Variants in XKR4 observed in about 807,000 individuals in gnomAD.
The protein encoded by XKR4 is XK related 4.
Under a neutral mutation model 53.9 loss-of-function variants are expected in XKR4, and 12 were observed. The ratio of observed to expected loss-of-function variants is 0.22; its 90% CI spans 0.14 to 0.36. The LOEUF (loss-of-function observed/expected upper bound fraction) is 0.36. Ranked by LOEUF, XKR4 falls within the 10% of genes least tolerant of loss-of-function variation. The probability of loss-of-function intolerance (pLI) is 1.00; values close to 1 mark genes in which losing one functional copy is unlikely to be tolerated. For synonymous variants in XKR4, 354 were observed against 362.4 expected (o/e 0.98, Z 0.26); for missense variants, 799 against 859.5 (o/e 0.93, Z 0.88).
At chr8:55,453,723 G>A in intron 2 of XKR4, 2 of 386,644 alleles carry the variant, frequency 5.2e-6, no homozygotes, top group Non-Finnish European at 1.0e-5. Flanking sequence ...TGCATGTTGT[G>A]CATCGCCAAG....
chr8:55,268,686 A>C (rs1435228358), intron 1 of XKR4, among the ~76,000 whole-genome samples: 2 of 152,152 alleles, frequency 1.3e-5, no homozygotes, highest in African/African-American at 4.8e-5. Context: ...TGGGCACTTA[A>C]AATGAACCTA....
chr8:55,364,526 T>C (rs1157622793), intron 2 of XKR4, among the ~76,000 whole-genome samples: 1 of 152,256 alleles, frequency 6.6e-6, no homozygotes, highest in Non-Finnish European at 1.5e-5. Flanking sequence ...AGTTGAGCTA[T>C]GCATTCTGCC....
intron 1 of XKR4, among the ~76,000 whole-genome samples, chr8:55,327,220 C>T (rs1362659938): frequency 6.6e-6 from 1 of 152,008 alleles, no homozygotes; most frequent in South Asian, 2.1e-4. Flanking sequence ...TTAACATTAC[C>T]TCACAATTTG....
At chr8:55,421,967 C>G (rs186755816) in intron 2 of XKR4, among the ~76,000 whole-genome samples, 16 of 152,284 alleles carry the variant, frequency 1.1e-4, no homozygotes, top group Non-Finnish European at 2.2e-4. Flanking sequence ...CACCTTTCTG[C>G]ACTTACACCA....
At chr8:55,190,807 C>T (rs994952778) in intron 1 of XKR4, among the ~76,000 whole-genome samples, 3 of 152,126 alleles carry the variant, frequency 2.0e-5, no homozygotes, top group Non-Finnish European at 4.4e-5. Flanking sequence ...TATGGAAACT[C>T]GTACATGACG....
At chr8:55,442,832 G>A (rs952290210) in intron 2 of XKR4, among the ~76,000 whole-genome samples, 2 of 152,168 alleles carry the variant, frequency 1.3e-5, no homozygotes, top group Non-Finnish European at 2.9e-5. Context: ...AAGAGGCGTG[G>A]GGAGTGACTG....
At chr8:55,466,980 TCA>T (rs1352390404) in intron 2 of XKR4, among the ~76,000 whole-genome samples, 1 of 152,208 alleles carries the variant, frequency 6.6e-6, no homozygotes, top group East Asian at 1.9e-4. Context: ...GTTTGTGACC[TCA>T]CAGTTTCTGT....
At chr8:55,305,152 T>C (rs1377463610) in intron 1 of XKR4, among the ~76,000 whole-genome samples, 3 of 152,296 alleles carry the variant, frequency 2.0e-5, no homozygotes, top group Non-Finnish European at 2.9e-5. Context: ...TACATAGCTA[T>C]ACAAACTTAC....
intron 1 of XKR4, among the ~76,000 whole-genome samples, chr8:55,303,423 A>G (rs1207064939): frequency 6.6e-6 from 1 of 152,138 alleles, no homozygotes; most frequent in Non-Finnish European, 1.5e-5. Flanking sequence ...GGATTTTTGC[A>G]TCAATGTTCA....
At chr8:55,271,050 T>C (rs1818684160) in intron 1 of XKR4, among the ~76,000 whole-genome samples, 1 of 152,178 alleles carries the variant, frequency 6.6e-6, no homozygotes, top group Admixed American at 6.5e-5. Flanking sequence ...AACATGCATG[T>C]TGGTGGACAG....
In XKR4 at chr8:55,316,010, TAGA is replaced by T. The variant is rs368067526; in HGVS notation, c.807-41662_807-41660del. Reference sequence around the variant, plus strand: ...TGGGACTTAGATCTTAGCTGGTGGCTAGAAGAAGCCAAAAACAATCACCTACAC... The same window carrying T: ...TGGGACTTAGATCTTAGCTGGTGGCTAGAAGCCAAAAACAATCACCTACAC... On this transcript the variant is annotated intron_variant, in intron 1 of 2. Transcript: ENST00000327381. Among the ~76,000 whole-genome samples the T allele has an allele frequency of 1.5e-4, 23 of 152,324 alleles. 1 individual carries two copies. In the East Asian group the frequency reaches 4.4e-3, roughly 29 times the overall value.
At chr8:55,491,167 G>C (rs2129402188) in intron 2 of XKR4, among the ~76,000 whole-genome samples, 1 of 152,168 alleles carries the variant, frequency 6.6e-6, no homozygotes. Context: ...CACCTTTAAA[G>C]TTTCATTTGG....
intron 1 of XKR4, among the ~76,000 whole-genome samples, chr8:55,170,837 G>A (rs1458916448): frequency 6.6e-6 from 1 of 152,120 alleles, no homozygotes; most frequent in African/African-American, 2.4e-5. Flanking sequence ...GGACACGGGC[G>A]GGAGCTTGGA....
rs550194384 is a variant in XKR4 at position 55,418,503 on chromosome 8, C to T, written c.1006+60626C>T. Among the ~76,000 whole-genome samples, 21 of 152,296 alleles carry T rather than the reference C, an allele frequency of 1.4e-4. No individual in the cohort carries two copies. In the South Asian group the frequency reaches 2.9e-3, roughly 21 times the overall value. ...AATTCAGCATGCGTCTCACCCCCTC[C>T]GCTGCCCTCATCCTGATCCTATAAC... is the stretch of plus-strand genomic sequence containing the variant. On this transcript the variant is annotated intron_variant, in intron 2 of 2. Transcript: ENST00000327381.
chr8:55,454,692 C>T (rs569538664), intron 2 of XKR4: 2 of 882,744 alleles, frequency 2.3e-6, no homozygotes, highest in African/African-American at 1.6e-5. Context: ...CATTCAGGCC[C>T]TCCACGTGGA....
intron 1 of XKR4, among the ~76,000 whole-genome samples, chr8:55,310,284 C>T (rs1819370104): frequency 6.6e-6 from 1 of 152,140 alleles, no homozygotes; most frequent in Non-Finnish European, 1.5e-5. Flanking sequence ...GTAGAATGGG[C>T]TCCGGGGTCA....
At chr8:55,259,115 A>T (rs10097294) in intron 1 of XKR4, among the ~76,000 whole-genome samples, 50,075 of 151,862 alleles carry the variant, frequency 0.33, 9,980 homozygotes, top group Non-Finnish European at 0.44. Flanking sequence ...AGGTAAGAGA[A>T]GGTGAACTTC....
intron 1 of XKR4, among the ~76,000 whole-genome samples, chr8:55,340,252 C>T (rs949246485): frequency 6.6e-6 from 1 of 152,196 alleles, no homozygotes; most frequent in Non-Finnish European, 1.5e-5. Context: ...TCACAGCCAA[C>T]AGAGATGCAT....
intron 2 of XKR4, among the ~76,000 whole-genome samples, chr8:55,475,057 G>A (rs967797642): frequency 6.6e-6 from 1 of 151,866 alleles, no homozygotes; most frequent in Non-Finnish European, 1.5e-5. Context: ...AATAACCTAA[G>A]AACTTATAAA....
Sources: gnomAD v4.1 joint callset for allele counts (sites outside exome capture counted in the v4.1 genomes callset) on GRCh38, gnomAD v4.1.1 for gene constraint, MANE v1.5 for transcripts, NCBI Gene and HGNC (gene_info 2026-07-23, HGNC 2026-07-21) for gene names.